CLEC4C: variants seen among roughly 807,000 people sequenced by gnomAD.
CLEC4C encodes C-type (calcium dependent, carbohydrate-recognition domain) lectin, superfamily member 11.
A neutral mutation model predicts 27.7 loss-of-function variants in CLEC4C; 17 were observed. That is an observed-to-expected ratio of 0.61 (90% confidence interval 0.42 to 0.92). CLEC4C has a LOEUF of 0.92. Among genes scored for constraint, CLEC4C ranks in the 40% least tolerant of loss-of-function variants. CLEC4C has a pLI of 0.00. For missense variants in CLEC4C, 244 were observed against 257.3 expected (o/e 0.95, Z 0.35); for synonymous variants, 80 against 80.8 (o/e 0.99, Z 0.06).
At chr12:7,734,049 C>T (rs994225448) in intron 4 of CLEC4C, among the ~76,000 whole-genome samples, 5 of 151,984 alleles carry the variant, frequency 3.3e-5, no homozygotes, top group South Asian at 2.1e-4. Context: ...TGAAACACGT[C>T]GCCAGGCCTC....
intron 2 of CLEC4C, among the ~76,000 whole-genome samples, chr12:7,741,974 C>T (rs7296264): frequency 0.22 from 33,120 of 151,392 alleles, 4,317 homozygotes; most frequent in Admixed American, 0.32. Flanking sequence ...TGAGCCGAGA[C>T]CGCGCCATTG....
rs866701529 is a variant in CLEC4C, at chr12:7,743,081, C to T, written c.125-1550G>A. ...TAGTGAAGGAATTTCATTGTATTCA[C>T]GCTATATACCCAGCACCTAGAAAAG... On this transcript the variant is annotated intron_variant, in intron 2 of 5. Coordinates refer to ENST00000360345, the MANE Select transcript of CLEC4C (RefSeq NM_001371390.1). Among the ~76,000 whole-genome samples, 10 of 152,228 alleles carry T rather than the reference C, an allele frequency of 6.6e-5. No individual in the cohort carries two copies. In the South Asian group the frequency reaches 1.5e-3, roughly 22 times the overall value.
intron 2 of CLEC4C, among the ~76,000 whole-genome samples, chr12:7,744,915 C>A (rs1864937653): frequency 6.6e-6 from 1 of 152,054 alleles, no homozygotes; most frequent in Non-Finnish European, 1.5e-5. Context: ...GCCATATGAA[C>A]AATTTTTCCT....
At chr12:7,730,707 T>G in intron 5 of CLEC4C, 90 bp downstream of exon 5, 1 of 663,548 alleles carries the variant, frequency 1.5e-6, no homozygotes. Flanking sequence ...GTGTTGTGGG[T>G]TTTATTGTTT....
chr12:7,738,962 C>G (rs191649994), intron 3 of CLEC4C, among the ~76,000 whole-genome samples: 1 of 131,368 alleles, frequency 7.6e-6, no homozygotes, highest in Admixed American at 8.1e-5. Context: ...TCCCTCCCCC[C>G]TCCCCACCCC....
chr12:7,732,375 T>C (rs1411647630), intron 4 of CLEC4C, among the ~76,000 whole-genome samples: 1 of 142,840 alleles, frequency 7.0e-6, no homozygotes, highest in Non-Finnish European at 1.5e-5. Flanking sequence ...TTTTTTGAGA[T>C]GGAGTCTCAC....
chr12:7,748,871 G>A (rs764935872), upstream of CLEC4C, among the ~76,000 whole-genome samples: 2 of 152,332 alleles, frequency 1.3e-5, no homozygotes, highest in South Asian at 4.1e-4. Flanking sequence ...AAGAAAAGCA[G>A]AATTGCATGT....
chr12:7,747,488 C>A, upstream of CLEC4C: 2 of 770,344 alleles, frequency 2.6e-6, no homozygotes, highest in Non-Finnish European at 2.2e-6. Flanking sequence ...CCTACTCTTG[C>A]AAAGGAAGAG....
At chr12:7,734,691 G>T (rs1163262252) in intron 4 of CLEC4C, among the ~76,000 whole-genome samples, 1 of 151,640 alleles carries the variant, frequency 6.6e-6, no homozygotes, top group East Asian at 2.0e-4. Flanking sequence ...TGTGATTACA[G>T]GCATGTGCCA....
intron 4 of CLEC4C, among the ~76,000 whole-genome samples, chr12:7,736,690 C>T (rs894847503): frequency 2.5e-4 from 38 of 151,924 alleles, no homozygotes; most frequent in Admixed American, 7.9e-4. Flanking sequence ...GGGCAGATCA[C>T]GAGGTCAGGA....
At chr12:7,730,705 G>A (rs1864575913) in intron 5 of CLEC4C, 92 bp downstream of exon 5, 4 of 670,080 alleles carry the variant, frequency 6.0e-6, no homozygotes, top group Admixed American at 2.5e-5. Context: ...AAGTGTTGTG[G>A]GTTTTATTGT....
rs147643803 is a variant in CLEC4C, at chr12:7,730,306, A to T, written c.497+491T>A. 3.2e-3 allele frequency among the ~76,000 whole-genome samples: 484 copies of T among 152,312 alleles called. 1 individual carries two copies. The highest frequency in any genetic ancestry group is 0.011 in the African/African-American group (466 of 41,574). On this transcript the variant is annotated intron_variant, in intron 5 of 5. Transcript: ENST00000360345. ...TTTGACATAGTTGATACAAATGTTA[A>T]AAGTGGTAATCTGTACTAAAGTGCT...
intron 3 of CLEC4C, among the ~76,000 whole-genome samples, chr12:7,738,182 T>C (rs1237101073): frequency 6.6e-6 from 1 of 152,184 alleles, no homozygotes; most frequent in African/African-American, 2.4e-5. Flanking sequence ...GTAAGACATA[T>C]CTGGGTTGCA....
intron 5 of CLEC4C, among the ~76,000 whole-genome samples, 193 bp downstream of exon 5, chr12:7,730,604 C>T (rs1172156924): frequency 6.7e-6 from 1 of 149,620 alleles, no homozygotes; most frequent in Non-Finnish European, 1.5e-5. Context: ...CATACCACTG[C>T]ACTCTAGCCT....
At chr12:7,748,480 C>T (rs1452485712), upstream of CLEC4C, among the ~76,000 whole-genome samples, 4 of 151,678 alleles carry the variant, frequency 2.6e-5, no homozygotes, top group African/African-American at 4.8e-5. Context: ...GAGCCGAGAT[C>T]GTGCCACTGC....
At chr12:7,743,262 T>G (rs1158308297) in intron 2 of CLEC4C, among the ~76,000 whole-genome samples, 1 of 152,192 alleles carries the variant, frequency 6.6e-6, no homozygotes, top group Non-Finnish European at 1.5e-5. Context: ...AAATTAAATA[T>G]AAGGTAAAAC....
At chr12:7,740,305 T>C (rs946674245) in intron 3 of CLEC4C, among the ~76,000 whole-genome samples, 4 of 152,120 alleles carry the variant, frequency 2.6e-5, no homozygotes, top group African/African-American at 9.7e-5. Flanking sequence ...GAATCCTGTG[T>C]ATATTTATTT....
rs1565458253 is a variant in CLEC4C at position 7,729,732 on chromosome 12, T to C, written c.506A>G (p.His169Arg). 6.2e-7 allele frequency: 1 copy of C among 1,613,792 alleles called. No homozygotes were observed. Among genetic ancestry groups the C allele is most frequent in the Admixed American group, 1.7e-5 (1 of 59,944 alleles). Residue 169 changes from histidine (H) to arginine (R), a missense_variant, in exon 6 of 6, where the codon CAC (histidine) becomes CGC (arginine). Transcript: ENST00000360345. The stretch of plus-strand genomic sequence containing the variant: ...ATCAAGGTTATTGGGTTCACCTGAG[T>C]GCCAGAATCTGAAAGGTAGATAAAG... ...TPYNENVTFW[H>R]SGEPNNLDER... is the part of the protein sequence containing the mutation.
chr12:7,738,626 G>A (rs1388726379), intron 3 of CLEC4C, among the ~76,000 whole-genome samples: 1 of 152,066 alleles, frequency 6.6e-6, no homozygotes, highest in Non-Finnish European at 1.5e-5. Flanking sequence ...AGCCTCCCAA[G>A]TAGCTGGAAC....
Sources: gnomAD v4.1 joint callset for allele counts (sites outside exome capture counted in the v4.1 genomes callset) on GRCh38, gnomAD v4.1.1 for gene constraint, MANE v1.5 for transcripts, NCBI Gene and HGNC (gene_info 2026-07-23, HGNC 2026-07-21) for gene names.